DYNC1H1: variants seen among roughly 807,000 people sequenced by gnomAD.
DYNC1H1 encodes dynein cytoplasmic 1 heavy chain 1, also known as cytoplasmic dynein 1 heavy chain 1.
In DYNC1H1, 51 loss-of-function variants were observed where a neutral mutation model predicts 527.1. That is an observed-to-expected ratio of 0.10 (90% CI 0.08 to 0.12). The LOEUF is 0.12. DYNC1H1 is among the 10% of genes least tolerant of loss of function. The pLI, the probability that DYNC1H1 is intolerant of heterozygous loss-of-function variation, is 1.00. For missense variants in DYNC1H1, 2,771 were observed against 5,971.8 expected (o/e 0.46, Z 17.66); for synonymous variants, 2,189 against 2,278.8 (o/e 0.96, Z 1.12).
chr14:102,012,030 C>T lies in DYNC1H1; in HGVS notation c.6774C>T (p.Ala2258=). ...EGVAHIIDPK[A]ISKDHLYGTL... ...TGGCCCATATCATCGACCCCAAGGC[C>T]ATCAGCAAAGACCACCTCTACGGAA... Residue 2258 remains alanine (A), a synonymous_variant, in exon 33 of 78, where the codon GCC becomes GCT. Coordinates refer to ENST00000360184, the MANE Select transcript of DYNC1H1 (RefSeq NM_001376.5). This position sits in a 1 kb window ranked among gnomAD's most constrained non-coding sequence, Gnocchi z 4.9. 1 of 1,614,118 alleles carries T rather than the reference C, an allele frequency of 6.2e-7. No homozygotes were observed. The highest frequency in any genetic ancestry group is 1.1e-5 in the South Asian group (1 of 91,080).
In DYNC1H1 at chr14:102,018,098, T is replaced by C. The variant is rs182485493; in HGVS notation, c.8178-353T>C. On this transcript the variant is annotated intron_variant, in intron 40 of 77. Coordinates refer to ENST00000360184, the MANE Select transcript of DYNC1H1 (RefSeq NM_001376.5). This position sits in a 1 kb window ranked among gnomAD's most constrained non-coding sequence, Gnocchi z 5.2. ...TCCAGCCTGGGCAACAGAGCAAGAC[T>C]CCATCTCAAAATAAATAAATAAATA... 9 of 259,256 alleles carry C rather than the reference T, an allele frequency of 3.5e-5. No homozygotes were observed. Among genetic ancestry groups the C allele is most frequent in the Non-Finnish European group, 6.1e-5 (8 of 131,752 alleles). The allele number at this position is 259,256 out of a possible 1,614,324, so 16.1% of individuals were successfully genotyped here.
In DYNC1H1 at chr14:102,039,603, T is replaced by A; in HGVS notation, c.11596-35T>A. 1 of 1,614,178 alleles carries A rather than the reference T, an allele frequency of 6.2e-7. No homozygotes were observed. Among genetic ancestry groups the A allele is most frequent in the South Asian group, 1.1e-5 (1 of 91,078 alleles). On this transcript the variant is annotated intron_variant, in intron 61 of 77. Coordinates refer to ENST00000360184, the MANE Select transcript of DYNC1H1 (RefSeq NM_001376.5). The surrounding 1 kb of genome is among the most constrained non-coding windows in gnomAD (Gnocchi z 7.0). The stretch of plus-strand genomic sequence containing the variant: ...GGGGGGAAGCAGGGTGCTGCTTCTC[T>A]TATGGAACAACATCGTCTCCTGCTC...
At chr14:102,000,239 G>T (rs1373773308) in intron 17 of DYNC1H1, 47 bp from the exon 18 acceptor site, 2 of 1,614,004 alleles carry the variant, frequency 1.2e-6, no homozygotes, top group African/African-American at 2.7e-5. Flanking sequence ...AGATTCTGGG[G>T]TGATTTCTAT....
intron 5 of DYNC1H1, among the ~76,000 whole-genome samples, chr14:101,982,338 A>G (rs1043307219): frequency 6.6e-6 from 1 of 152,166 alleles, no homozygotes; most frequent in African/African-American, 2.4e-5. Context: ...TCACACCTGT[A>G]ATCCTAGCAC....
At position 102,049,841 on chromosome 14, in the gene DYNC1H1, C is replaced by T. The variant is rs377323091; in HGVS notation, c.13643C>T (p.Ser4548Leu). The T allele has an allele frequency of 2.5e-6, 4 of 1,613,780 alleles. No homozygotes were observed. The highest frequency in any genetic ancestry group is 3.3e-5 in the Admixed American group (2 of 60,012). Residue 4548 changes from serine to leucine, a missense_variant, in exon 76 of 78, where the codon TCA (serine) becomes TTA (leucine). Physicochemically the swap from Ser to Leu is moderately radical, Grantham distance 145. This residue lies in a region of DYNC1H1 where 106 missense variants were observed against 139.2 expected (regional missense o/e 0.76). Coordinates refer to ENST00000360184, the MANE Select transcript of DYNC1H1 (RefSeq NM_001376.5). This position sits in a 1 kb window ranked among gnomAD's most constrained non-coding sequence, Gnocchi z 5.5. ...TGCCTGGAAGTCAACGTCACCACCT[C>T]ACAGGGCGCCACCCTTGACGCTTGC... ...ELCLEVNVTT[S>L]QGATLDACSF...
rs2141285806 is a variant in DYNC1H1, at chr14:102,001,027, A to G, written c.4148A>G (p.Tyr1383Cys). 6.2e-7 allele frequency: 1 copy of G among 1,614,186 alleles called. No individual in the cohort carries two copies. Among genetic ancestry groups the G allele is most frequent in the South Asian group, 1.1e-5 (1 of 91,086 alleles). ...FPARLRQYAS[Y>C]EFVQRLLKGY... ...GCCCGGTTGCGACAGTATGCGTCCTATGAGTTTGTTCAGAGGCTTCTGAAA... is the reference window on the plus strand; with the variant it reads ...GCCCGGTTGCGACAGTATGCGTCCTGTGAGTTTGTTCAGAGGCTTCTGAAA... Residue 1383 changes from tyrosine (Y) to cysteine (C), a missense_variant, in exon 19 of 78, where the codon TAT (tyrosine) becomes TGT (cysteine). Transcript: ENST00000360184. This position sits in a 1 kb window ranked among gnomAD's most constrained non-coding sequence, Gnocchi z 5.0.
chr14:102,007,510 T>C (rs2048210316), intron 28 of DYNC1H1, among the ~76,000 whole-genome samples: 1 of 152,196 alleles, frequency 6.6e-6, no homozygotes, highest in South Asian at 2.1e-4. Context: ...TGTTATACTT[T>C]ACATCTGTCA....
chr14:102,030,318 A>G, intron 51 of DYNC1H1, 36 bp downstream of exon 51: 1 of 1,613,966 alleles, frequency 6.2e-7, no homozygotes, highest in Non-Finnish European at 8.5e-7. Context: ...ATGTCTAGGA[A>G]GGGTGGTCTC....
intron 5 of DYNC1H1, 117 bp from the exon 6 acceptor site, chr14:101,982,902 T>A: frequency 1.6e-6 from 2 of 1,257,900 alleles, no homozygotes; most frequent in Admixed American, 1.9e-5. Context: ...ATATGAATAG[T>A]TTTTGTCTCG....
Position 102,033,545 on chromosome 14 carries a change from T to C in DYNC1H1, c.10413+61T>C. The C allele has an allele frequency of 6.3e-7, 1 of 1,594,778 alleles. No homozygotes were observed. Among genetic ancestry groups the C allele is most frequent in the Non-Finnish European group, 8.6e-7 (1 of 1,168,098 alleles). ...CTGTGGAAGCAGAGATTAACACACT[T>C]CAACATGCGCTGCATGCACCATGCT... On this transcript the variant is annotated intron_variant, in intron 54 of 77. Coordinates refer to ENST00000360184, the MANE Select transcript of DYNC1H1 (RefSeq NM_001376.5). This position sits in a 1 kb window ranked among gnomAD's most constrained non-coding sequence, Gnocchi z 5.6.
intron 5 of DYNC1H1, among the ~76,000 whole-genome samples, chr14:101,982,314 C>T (rs1595598796): frequency 6.6e-6 from 1 of 152,120 alleles, no homozygotes; most frequent in Admixed American, 6.6e-5. Context: ...TAGAAATAGG[C>T]TGGGTGCGGT....
chr14:102,042,723 G>A lies in DYNC1H1; in HGVS notation c.12488G>A (p.Ser4163Asn). Residue 4163 changes from serine (S) to asparagine (N), a missense_variant, in exon 69 of 78, where the codon AGC (serine) becomes AAC (asparagine). Physicochemically the swap from Ser to Asn is conservative, Grantham distance 46. Around this residue, in one of 32 missense-constraint regions of DYNC1H1, gnomAD observed 195 missense variants for 428.6 expected, o/e 0.45. Transcript: ENST00000360184. This position sits in a 1 kb window ranked among gnomAD's most constrained non-coding sequence, Gnocchi z 5.7. Reference protein sequence around the residue: ...VKANMLRTFSSIPVSRICKSP... With the variant: ...VKANMLRTFSNIPVSRICKSP... ...GCCAACATGCTGAGGACGTTCAGCA[G>A]CATTCCCGTCTCACGGATATGCAAG... is the stretch of plus-strand genomic sequence containing the variant. 1.2e-6 allele frequency: 2 copies of A among 1,614,202 alleles called. No individual in the cohort carries two copies. The highest frequency in any genetic ancestry group is 1.7e-6 in the Non-Finnish European group (2 of 1,180,046).
chr14:102,026,787 C>T (rs1276703331), intron 44 of DYNC1H1, 80 bp downstream of exon 44: 7 of 1,563,818 alleles, frequency 4.5e-6, no homozygotes, highest in Non-Finnish European at 6.1e-6. Context: ...CACACCAGGC[C>T]TCATGCTGTC....
chr14:102,048,947 G>A (rs2048765510), intron 74 of DYNC1H1: 5 of 492,736 alleles, frequency 1.0e-5, no homozygotes, highest in South Asian at 1.0e-4. Flanking sequence ...ACAGTGAATG[G>A]GGAATGTGGT....
At chr14:101,978,582 G>A (rs909104209) in intron 2 of DYNC1H1, among the ~76,000 whole-genome samples, 3 of 152,216 alleles carry the variant, frequency 2.0e-5, no homozygotes, top group Non-Finnish European at 4.4e-5. Context: ...TGTGTGCAAG[G>A]TGTGGCAGTA....
In DYNC1H1 at chr14:102,027,603, C is replaced by T. The variant is rs926494354; in HGVS notation, c.9049-16C>T. On this transcript the variant is annotated splice_polypyrimidine_tract_variant and intron_variant, in intron 46 of 77. Coordinates refer to ENST00000360184, the MANE Select transcript of DYNC1H1 (RefSeq NM_001376.5). This position sits in a 1 kb window ranked among gnomAD's most constrained non-coding sequence, Gnocchi z 7.7. The stretch of plus-strand genomic sequence containing the variant: ...TTACCGGGGGACCAGTAAGTCAGCA[C>T]TGTGCTGTTTCCCAGGTGCCTGGTC... 2 of 1,614,064 alleles carry T rather than the reference C, an allele frequency of 1.2e-6. No homozygotes were observed. Among genetic ancestry groups the T allele is most frequent in the Non-Finnish European group, 1.7e-6 (2 of 1,180,040 alleles).
At chr14:101,980,060 A>T in intron 4 of DYNC1H1, 86 bp downstream of exon 4, 1 of 1,592,514 alleles carries the variant, frequency 6.3e-7, no homozygotes, top group South Asian at 1.1e-5. Context: ...TAAGTGAGGT[A>T]AATTATGTGA....
intron 23 of DYNC1H1, among the ~76,000 whole-genome samples, chr14:102,003,167 T>C (rs537592758): frequency 6.6e-6 from 1 of 152,340 alleles, no homozygotes; most frequent in African/African-American, 2.4e-5. Context: ...ATTTTTTAAA[T>C]TGTCCTACCT....
At position 102,033,362 on chromosome 14, in the gene DYNC1H1, A is replaced by G. The variant is rs1315999225; in HGVS notation, c.10291A>G (p.Asn3431Asp). The part of the protein sequence containing the change: ...DDAKDNQQKA[N>D]EVEQMIRDLE... ...CGCCAAGGACAACCAGCAGAAGGCC[A>G]ACGAGGTGGAGCAGATGATCCGAGA... The change falls in exon 54 of 78, where the codon AAC becomes GAC. Residue 3431 changes from asparagine to aspartate, a missense_variant. Transcript: ENST00000360184. The surrounding 1 kb of genome is among the most constrained non-coding windows in gnomAD (Gnocchi z 5.6). The G allele has an allele frequency of 1.9e-6, 3 of 1,614,126 alleles. No homozygotes were observed. The highest frequency in any genetic ancestry group is 2.5e-6 in the Non-Finnish European group (3 of 1,180,064).
Sources: allele counts gnomAD v4.1 joint callset (sites outside exome capture counted in the v4.1 genomes callset), GRCh38; gene constraint gnomAD v4.1.1; regional missense constraint gnomAD v4.1.1; non-coding constraint Gnocchi (gnomAD v3.1); transcripts MANE v1.5; gene names NCBI Gene and HGNC (gene_info 2026-07-23, HGNC 2026-07-21).